The following BEST1 variants were observed in gnomAD, a reference collection of about 807,000 sequenced individuals.
BEST1 encodes the protein bestrophin-1.
Under a neutral mutation model 63.3 loss-of-function variants are expected in BEST1, and 58 were observed. That is an observed-to-expected ratio of 0.92 (90% CI 0.74 to 1.14). BEST1 has a LOEUF of 1.14. Ranked by LOEUF, BEST1 falls within the 50% of genes most tolerant of loss-of-function variation. BEST1 has a pLI of 0.00. For synonymous variants in BEST1, 283 were observed against 291.6 expected (o/e 0.97, Z 0.30); for missense variants, 671 against 740.1 (o/e 0.91, Z 1.08).
intron 3 of BEST1, 140 bp from the exon 4 acceptor site, chr11:61,955,578 C>G (rs1941221614): frequency 9.2e-7 from 1 of 1,084,388 alleles, no homozygotes; most frequent in Non-Finnish European, 1.3e-6. Context: ...CTCTCGCTCC[C>G]GAGCGCCTTC....
At chr11:61,964,808 G>T, downstream of BEST1, 1 of 1,600,246 alleles carries the variant, frequency 6.2e-7, no homozygotes, top group South Asian at 1.1e-5. Flanking sequence ...CTCCCATCTT[G>T]CGCAAGTTGG....
At chr11:61,956,162 G>C (rs768944860) in intron 4 of BEST1, among the ~76,000 whole-genome samples, 1 of 146,220 alleles carries the variant, frequency 6.8e-6, no homozygotes, top group South Asian at 2.1e-4. Flanking sequence ...CCCACCCTCC[G>C]AGAGTAGGAG....
chr11:61,963,671 C>T, intron 10 of BEST1: 1 of 1,060,498 alleles, frequency 9.4e-7, no homozygotes, highest in Middle Eastern at 4.6e-4. Context: ...GCAACAATTT[C>T]AGTCTTGCTT....
chr11:61,956,702 A>G, intron 4 of BEST1, 142 bp from the exon 5 acceptor site: 1 of 935,628 alleles, frequency 1.1e-6, no homozygotes, highest in Admixed American at 1.7e-5. Context: ...CCAGAACAGC[A>G]CCTAGTAGGT....
intron 1 of BEST1, among the ~76,000 whole-genome samples, chr11:61,950,757 A>G (rs1055085729): frequency 1.3e-5 from 2 of 152,212 alleles, no homozygotes; most frequent in Non-Finnish European, 2.9e-5. Context: ...ACAGGCAGAT[A>G]TCCTGTATAA....
At chr11:61,965,255 G>A, downstream of BEST1, 1 of 1,593,526 alleles carries the variant, frequency 6.3e-7, no homozygotes, top group Non-Finnish European at 8.6e-7. Flanking sequence ...AAGCACAAAA[G>A]GCAAAAGCCC....
chr11:61,954,285 C>G (rs976079848), intron 2 of BEST1, among the ~76,000 whole-genome samples: 6 of 152,152 alleles, frequency 3.9e-5, no homozygotes, highest in Non-Finnish European at 8.8e-5. Flanking sequence ...ATCCCTGAAC[C>G]CACAGTGACA....
chr11:61,951,821 C>A lies in BEST1; in HGVS notation c.15C>A (p.Tyr5Ter). 3.1e-6 allele frequency: 5 copies of A among 1,612,908 alleles called. No homozygotes were observed. The highest frequency in any genetic ancestry group is 4.2e-6 in the Non-Finnish European group (5 of 1,180,026). Residue 5 changes from tyrosine to a stop codon, truncating the protein, a stop_gained, in exon 2 of 11, where the codon TAC (tyrosine) becomes TAA (stop). Transcript: ENST00000378043. LOFTEE classifies it high-confidence loss of function. The part of the protein sequence containing the change: MTIT[Y>*]TSQVANARLG... ...ACTGCCTGGCCATGACCATCACTTACACAAGCCAAGTGGCTAATGCCCGCT... is the reference window on the plus strand; with the variant it reads ...ACTGCCTGGCCATGACCATCACTTAAACAAGCCAAGTGGCTAATGCCCGCT...
At chr11:61,963,219 G>A in intron 10 of BEST1, 2 of 1,403,792 alleles carry the variant, frequency 1.4e-6, no homozygotes, top group Non-Finnish European at 1.9e-6. Context: ...CTGAGCAGAT[G>A]TTATCACTGG....
Position 61,964,156 on chromosome 11 carries a change from GTCC to G in BEST1, c.*37_*39del. The G allele has an allele frequency of 6.2e-7, 1 of 1,613,530 alleles. No homozygotes were observed. The highest frequency in any genetic ancestry group is 1.1e-5 in the South Asian group (1 of 90,978). On this transcript the variant is annotated 3_prime_UTR_variant, in exon 11 of 11. Transcript: ENST00000378043. ...CTAATGGGGATGCTTCGCCAGCCAG[GTCC>G]TCACCTGTGTGTACACCAGCAGGAC...
chr11:61,965,328 C>T, downstream of BEST1: 1 of 1,600,976 alleles, frequency 6.2e-7, no homozygotes, highest in Non-Finnish European at 8.5e-7. Context: ...CCGAACACTG[C>T]CAGATGATGA....
chr11:61,950,353 AGAGTCCCAGG>A lies in BEST1; in HGVS notation c.-102_-93del, dbSNP rs1303585554. ...AAGAGTGGGCAGGGGCACTGGCCACAGAGTCCCAGGGAGTCCCACCAGCCTAGTCGCCAGA... is the reference window on the plus strand; with the variant it reads ...AAGAGTGGGCAGGGGCACTGGCCACAGAGTCCCACCAGCCTAGTCGCCAGA... On this transcript the variant is annotated 5_prime_UTR_variant, in exon 1 of 11. Coordinates refer to ENST00000378043, the MANE Select transcript of BEST1 (RefSeq NM_004183.4). The A allele has an allele frequency of 6.5e-6, 1 of 152,804 alleles. No homozygotes were observed. The highest frequency in any genetic ancestry group is 2.4e-5 in the African/African-American group (1 of 41,448). 9.5% of individuals were successfully genotyped at this position (152,804 alleles called of 1,614,324 possible).
intron 2 of BEST1, chr11:61,954,749 C>T (rs1238354406): frequency 3.1e-6 from 3 of 972,650 alleles, no homozygotes; most frequent in South Asian, 4.7e-5. Flanking sequence ...CGTGCCCGTC[C>T]CAAACACTCT....
chr11:61,962,878 G>C lies in BEST1; in HGVS notation c.1724G>C (p.Trp575Ser). The C allele has an allele frequency of 6.2e-7, 1 of 1,614,078 alleles. No individual in the cohort carries two copies. Among genetic ancestry groups the C allele is most frequent in the Non-Finnish European group, 8.5e-7 (1 of 1,179,990 alleles). ...CTCAAAGATCACATGGATCCTTATT[G>C]GGCCTTGGAAAACAGGTCTGTCCTC... Reference protein sequence around the residue: ...TTLKDHMDPYWALENRDEAHS With the variant: ...TTLKDHMDPYSALENRDEAHS Residue 575 changes from tryptophan (W) to serine (S), a missense_variant, in exon 10 of 11, where the codon TGG (tryptophan) becomes TCG (serine). By Grantham distance (177) the Trp-to-Ser change is radical. Coordinates refer to ENST00000378043, the MANE Select transcript of BEST1 (RefSeq NM_004183.4).
Position 61,955,798 on chromosome 11 carries a change from G to A in BEST1, c.328G>A (p.Val110Met). The stretch of plus-strand genomic sequence containing the variant: ...GTGGCCCGACCGCCTCATGAGCCTG[G>A]TGTCGGGCTTCGTCGAAGGCAAGGA... ...LPWPDRLMSL[V>M]SGFVEGKDEQ... The change falls in exon 4 of 11, where the codon GTG (valine) becomes ATG (methionine). Residue 110 changes from valine (V) to methionine (M), a missense_variant. Physicochemically the swap from Val to Met is conservative, Grantham distance 21 (BLOSUM62 1). Transcript: ENST00000378043. 1 of 1,550,372 alleles carries A rather than the reference G, an allele frequency of 6.5e-7. No homozygotes were observed. Among genetic ancestry groups the A allele is most frequent in the Non-Finnish European group, 8.7e-7 (1 of 1,146,942 alleles).
intron 9 of BEST1, 100 bp from the exon 10 acceptor site, chr11:61,962,155 T>C (rs1942130395): frequency 7.5e-7 from 1 of 1,340,974 alleles, no homozygotes; most frequent in African/African-American, 1.4e-5. Context: ...GGCCTTGGCT[T>C]GGGCCAACTG....
At chr11:61,963,901 G>A in intron 10 of BEST1, 1 of 1,370,570 alleles carries the variant, frequency 7.3e-7, no homozygotes, top group Non-Finnish European at 9.6e-7. Flanking sequence ...GCAGGAGGTT[G>A]AGGGGAGAAT....
At chr11:61,959,310 C>T in intron 7 of BEST1, 188 bp from the exon 8 acceptor site, 1 of 649,506 alleles carries the variant, frequency 1.5e-6, no homozygotes, top group South Asian at 1.7e-5. Context: ...GTTAGAGGGG[C>T]TGTGTCCAGA....
upstream of BEST1, chr11:61,950,091 T>A (rs117165769): frequency 7.4e-3 from 1,126 of 152,588 alleles, 4 homozygotes; most frequent in Non-Finnish European, 0.011. Context: ...GTGGAGCAGA[T>A]CCTTTAGCCT....
Sources: gnomAD v4.1 joint callset for allele counts (sites outside exome capture counted in the v4.1 genomes callset) on GRCh38, gnomAD v4.1.1 for gene constraint, MANE v1.5 for transcripts, NCBI Gene and HGNC (gene_info 2026-07-23, HGNC 2026-07-21) for gene names.